The following ZMYND8 variants were observed in gnomAD, a reference collection of about 807,000 sequenced individuals.
The protein encoded by ZMYND8 is MYND-type zinc finger-containing chromatin reader ZMYND8.
In ZMYND8, 37 loss-of-function variants were observed where a neutral mutation model predicts 140.8. That is an observed-to-expected ratio of 0.26 (90% CI 0.20 to 0.35). ZMYND8 has a LOEUF of 0.35. Ranked by LOEUF, ZMYND8 falls within the 10% of genes least tolerant of loss-of-function variation. The probability of loss-of-function intolerance (pLI) is 1.00; values close to 1 mark genes in which losing one functional copy is unlikely to be tolerated. For synonymous variants in ZMYND8, 592 were observed against 597.1 expected (o/e 0.99, Z 0.12); for missense variants, 1,068 against 1,570.0 (o/e 0.68, Z 5.40).
intron 12 of ZMYND8, among the ~76,000 whole-genome samples, chr20:47,257,064 C>T (rs1238810653): frequency 6.6e-6 from 1 of 152,082 alleles, no homozygotes; most frequent in Non-Finnish European, 1.5e-5. Flanking sequence ...GAAACTCATT[C>T]CTATTTATGA....
intron 4 of ZMYND8, among the ~76,000 whole-genome samples, chr20:47,297,343 C>T (rs953595170): frequency 9.2e-5 from 14 of 152,102 alleles, no homozygotes; most frequent in Non-Finnish European, 1.5e-4. Flanking sequence ...TGGCTTTTTT[C>T]CCTACTAAAG....
intron 2 of ZMYND8, among the ~76,000 whole-genome samples, chr20:47,335,529 G>A (rs944444393): frequency 6.6e-6 from 1 of 151,914 alleles, no homozygotes. Flanking sequence ...CTTTAATAAG[G>A]CAATAAAAAG....
intron 6 of ZMYND8, among the ~76,000 whole-genome samples, chr20:47,290,583 G>GTTTTTTT (rs71183240): frequency 1.7e-4 from 11 of 64,098 alleles, no homozygotes; most frequent in Admixed American, 2.2e-4. Flanking sequence ...TATTTATTTA[G>GTTTTTTT]TTTTTTTTTT....
intron 12 of ZMYND8, among the ~76,000 whole-genome samples, chr20:47,261,477 G>A (rs1471935016): frequency 6.6e-6 from 1 of 151,994 alleles, no homozygotes; most frequent in East Asian, 1.9e-4. Flanking sequence ...GTTCAAGGTT[G>A]CAGTGAACTA....
chr20:47,280,470 G>C (rs941865358), intron 10 of ZMYND8, among the ~76,000 whole-genome samples: 2 of 152,186 alleles, frequency 1.3e-5, no homozygotes, highest in Non-Finnish European at 2.9e-5. Context: ...CTCACACGCC[G>C]TCCTTCATGC....
intron 11 of ZMYND8, among the ~76,000 whole-genome samples, chr20:47,266,292 GGA>G (rs2075520264): frequency 7.5e-6 from 1 of 134,122 alleles, no homozygotes; most frequent in Non-Finnish European, 1.6e-5. Flanking sequence ...AGGGGGGCGG[GGA>G]GAGAGATGGA....
Position 47,224,471 on chromosome 20 carries a change from C to T in ZMYND8, c.3102G>A (p.Glu1034=). 1 of 1,614,258 alleles carries T rather than the reference C, an allele frequency of 6.2e-7. No individual in the cohort carries two copies. Among genetic ancestry groups the T allele is most frequent in the Non-Finnish European group, 8.5e-7 (1 of 1,180,048 alleles). The change falls in exon 19 of 23, where the codon GAG becomes GAA. Residue 1034 remains glutamate (E), a synonymous_variant. Transcript: ENST00000471951. The stretch of plus-strand genomic sequence containing the variant: ...TGGTCTCATCCACCGCCTGCTGCTT[C>T]TCCAACTCCAGCTGCTTCTTCACCT... The part of the protein sequence containing the change: ...IAEVKKQLEL[E]KQQAVDETKK...
intron 12 of ZMYND8, among the ~76,000 whole-genome samples, chr20:47,255,241 A>G (rs1178580504): frequency 6.6e-6 from 1 of 152,172 alleles, no homozygotes; most frequent in Admixed American, 6.5e-5. Context: ...AAAACTTGCA[A>G]CAGTGGTGAC....
chr20:47,299,048 C>A (rs2077825375), intron 3 of ZMYND8, 101 bp from the exon 4 acceptor site: 3 of 1,131,282 alleles, frequency 2.7e-6, no homozygotes, highest in South Asian at 1.4e-5. Context: ...AAAATAACAG[C>A]ATTTCACAAA....
intron 2 of ZMYND8, among the ~76,000 whole-genome samples, chr20:47,340,885 A>T (rs2081817794): frequency 6.6e-6 from 1 of 152,068 alleles, no homozygotes; most frequent in East Asian, 1.9e-4. Context: ...CAAAGGCTAT[A>T]AACAAAATCA....
chr20:47,305,024 C>T (rs538103409), intron 3 of ZMYND8, among the ~76,000 whole-genome samples: 2 of 152,228 alleles, frequency 1.3e-5, no homozygotes, highest in East Asian at 3.9e-4. Context: ...GGGAGAACAG[C>T]TTGAGCCCAG....
intron 10 of ZMYND8, among the ~76,000 whole-genome samples, chr20:47,277,618 T>C (rs1248764442): frequency 2.0e-5 from 3 of 152,106 alleles, no homozygotes; most frequent in Non-Finnish European, 2.9e-5. Flanking sequence ...GGAAGGCTTT[T>C]GTGGGGGATT....
intron 5 of ZMYND8, among the ~76,000 whole-genome samples, chr20:47,293,243 A>AGAGG (rs1279107757): frequency 7.2e-6 from 1 of 139,822 alleles, no homozygotes; most frequent in East Asian, 2.1e-4. Context: ...AGGGAAGGAC[A>AGAGG]GAGGGAGGGA....
At position 47,210,349 on chromosome 20, in the gene ZMYND8, C is replaced by T. The variant is rs1331189044; in HGVS notation, c.*412G>A. On this transcript the variant is annotated 3_prime_UTR_variant, in exon 23 of 23. Coordinates refer to ENST00000471951, the MANE Select transcript of ZMYND8 (RefSeq NM_001281775.3). ...AGTATCCATTCCGTCGTGTGACAGA[C>T]AGGCTAACTGACCATCCCTTCTCCA... The T allele has an allele frequency of 5.8e-6, 1 of 172,130 alleles. No homozygotes were observed. The highest frequency in any genetic ancestry group is 1.2e-5 in the Non-Finnish European group (1 of 80,746). 10.7% of individuals were successfully genotyped at this position (172,130 alleles called of 1,614,324 possible).
At chr20:47,319,332 G>T (rs1343108291) in intron 2 of ZMYND8, 1 of 282,756 alleles carries the variant, frequency 3.5e-6, no homozygotes, top group African/African-American at 2.2e-5. Flanking sequence ...TAAATACGAG[G>T]AACTGCAGTT....
chr20:47,228,962 T>C (rs1404225724), intron 17 of ZMYND8, among the ~76,000 whole-genome samples: 1 of 152,080 alleles, frequency 6.6e-6, no homozygotes, highest in African/African-American at 2.4e-5. Context: ...GGTGTATTTT[T>C]AAAAGCGGAT....
Position 47,290,245 on chromosome 20 carries a change from T to C in ZMYND8, c.690A>G (p.Thr230=), listed in dbSNP as rs1328477850. The C allele has an allele frequency of 6.2e-7, 1 of 1,613,590 alleles. No individual in the cohort carries two copies. The highest frequency in any genetic ancestry group is 1.7e-5 in the Admixed American group (1 of 59,874). The part of the protein sequence containing the change: ...KNAKKKMYGC[T]EAFLADAKWI... Reference sequence around the variant, plus strand: ...ACTTTGCATCAGCCAGGAAGGCTTCTGTGCAGCCATACATTTTCTTTTTCG... The same window carrying C: ...ACTTTGCATCAGCCAGGAAGGCTTCCGTGCAGCCATACATTTTCTTTTTCG... The change falls in exon 7 of 23, where the codon ACA becomes ACG. Residue 230 remains threonine, a synonymous_variant. Coordinates refer to ENST00000471951, the MANE Select transcript of ZMYND8 (RefSeq NM_001281775.3).
intron 15 of ZMYND8, among the ~76,000 whole-genome samples, chr20:47,236,942 G>A (rs1446779314): frequency 6.6e-6 from 1 of 152,124 alleles, no homozygotes; most frequent in Non-Finnish European, 1.5e-5. Context: ...CTCTACTGAG[G>A]CCCAACTCGC....
intron 17 of ZMYND8, among the ~76,000 whole-genome samples, chr20:47,228,850 C>T (rs971012765): frequency 1.3e-5 from 2 of 152,186 alleles, no homozygotes; most frequent in African/African-American, 4.8e-5. Flanking sequence ...CACCTGATAA[C>T]CCGTTTGCAT....
Sources: allele counts gnomAD v4.1 joint callset (sites outside exome capture counted in the v4.1 genomes callset), GRCh38; gene constraint gnomAD v4.1.1; transcripts MANE v1.5; gene names NCBI Gene and HGNC (gene_info 2026-07-23, HGNC 2026-07-21).